IL3RA: variants seen among roughly 807,000 people sequenced by gnomAD.
IL3RA encodes the protein interleukin-3 receptor subunit alpha.
In IL3RA, 73 loss-of-function variants were observed where a neutral mutation model predicts 52.3. The observed-to-expected ratio is 1.40, with a 90% CI of 1.16 to 1.70. The LOEUF is 1.70. Among genes scored for constraint, IL3RA ranks in the 40% most tolerant of loss-of-function variants. The pLI is 0.00. For missense variants in IL3RA, 664 were observed against 504.4 expected, an observed-to-expected ratio of 1.32 and a Z score of -3.03; for synonymous variants, 260 against 194.0, an observed-to-expected ratio of 1.34 and a Z score of -2.83.
At chrX:1,378,195 A>G (rs1260941994) in intron 9 of IL3RA, among the ~76,000 whole-genome samples, 10 of 144,290 alleles carry the variant, frequency 6.9e-5, no homozygotes, top group Admixed American at 5.6e-4. Context: ...AAAAAAAAAA[A>G]AAAGAAAAAG....
At chrX:1,382,351 G>A (rs768642592) in intron 11 of IL3RA, 40 bp from the exon 12 acceptor site, 2 of 1,535,726 alleles carry the variant, frequency 1.3e-6, no homozygotes, top group Non-Finnish European at 1.8e-6. Context: ...CTGTTATCTG[G>A]GGGGTGGCCG....
intron 8 of IL3RA, among the ~76,000 whole-genome samples, chrX:1,362,388 TC>T (rs1350705252): frequency 1.4e-5 from 2 of 147,766 alleles, no homozygotes; most frequent in African/African-American, 5.3e-5. Flanking sequence ...TTTGTCTCTG[TC>T]TGTTTCTGTT....
chrX:1,342,643 C>A (rs1175667549), intron 2 of IL3RA, among the ~76,000 whole-genome samples: 1 of 150,448 alleles, frequency 6.6e-6, no homozygotes, highest in Non-Finnish European at 1.5e-5. Context: ...TCACTGCAAC[C>A]TCTACCTGCT....
chrX:1,347,208 G>A (rs1263343805), intron 3 of IL3RA, among the ~76,000 whole-genome samples: 10 of 150,800 alleles, frequency 6.6e-5, no homozygotes, highest in Admixed American at 3.3e-4. Flanking sequence ...GCACTTTGGA[G>A]GCCGAGGCGG....
Position 1,365,245 on chromosome X carries a change from G to C in IL3RA, c.867G>C (p.Gln289His), listed in dbSNP as rs2087836887. 6.2e-7 allele frequency: 1 copy of C among 1,606,750 alleles called. No individual in the cohort carries two copies. Residue 289 changes from glutamine to histidine, a missense_variant, in exon 9 of 12, where the codon CAG becomes CAC. Gln to His is a conservative substitution (Grantham distance 24). Coordinates refer to ENST00000331035, the MANE Select transcript of IL3RA (RefSeq NM_002183.4). Reference protein sequence around the residue: ...YEFLSAWSTPQRFECDQEEGA... With the variant: ...YEFLSAWSTPHRFECDQEEGA... Reference sequence around the variant, plus strand: ...TCTTGAGCGCCTGGAGCACCCCCCAGCGCTTCGGTGAGTGGGCTGTGCGGG... The same window carrying C: ...TCTTGAGCGCCTGGAGCACCCCCCACCGCTTCGGTGAGTGGGCTGTGCGGG...
At chrX:1,345,459 T>C in intron 3 of IL3RA, 25 bp downstream of exon 3, 1 of 1,361,792 alleles carries the variant, frequency 7.3e-7, no homozygotes, top group Non-Finnish European at 1.0e-6. Flanking sequence ...CTATTGTTTT[T>C]TTATTTTTAT....
chrX:1,365,592 G>C (rs866422127), intron 9 of IL3RA, among the ~76,000 whole-genome samples: 1 of 30,664 alleles, frequency 3.3e-5, no homozygotes, highest in African/African-American at 4.5e-4. Context: ...CCGGGTGCGC[G>C]GGGTGAGCGG....
intron 8 of IL3RA, among the ~76,000 whole-genome samples, chrX:1,361,203 CTG>C (rs1491298224): frequency 1.9e-3 from 28 of 14,994 alleles, no homozygotes; most frequent in Middle Eastern, 0.038. Flanking sequence ...CTCCATTCCC[CTG>C]TCTCTATGTC....
intron 4 of IL3RA, among the ~76,000 whole-genome samples, chrX:1,351,753 C>T (rs1335091605): frequency 2.0e-5 from 3 of 151,422 alleles, no homozygotes. Context: ...CTCAGCCTCC[C>T]GAGTAGCTGG....
At chrX:1,381,601 G>C (rs1399669364) in intron 11 of IL3RA, among the ~76,000 whole-genome samples, 2 of 150,752 alleles carry the variant, frequency 1.3e-5, no homozygotes, top group African/African-American at 4.9e-5. Context: ...GCAATGGTGC[G>C]ATCTTGGCTC....
chrX:1,348,283 G>GGA, intron 3 of IL3RA, 148 bp from the exon 4 acceptor site: 1 of 678,042 alleles, frequency 1.5e-6, no homozygotes, highest in South Asian at 1.7e-5. Context: ...AACCCGGGAG[G>GGA]GAGAGGCTGC....
chrX:1,380,367 A>G (rs769836064), intron 10 of IL3RA, among the ~76,000 whole-genome samples: 13 of 116,342 alleles, frequency 1.1e-4, no homozygotes, highest in Non-Finnish European at 2.1e-4. Flanking sequence ...GAGCTTCACA[A>G]TCTGTCAAAT....
intron 1 of IL3RA, among the ~76,000 whole-genome samples, chrX:1,341,058 A>G (rs1174257981): frequency 6.6e-6 from 1 of 152,120 alleles, no homozygotes; most frequent in Non-Finnish European, 1.5e-5. Context: ...CGGAGGTTGC[A>G]GTGAGCCCAG....
intron 6 of IL3RA, among the ~76,000 whole-genome samples, chrX:1,355,598 C>A: frequency 6.7e-6 from 1 of 149,784 alleles, no homozygotes; most frequent in South Asian, 2.1e-4. Context: ...GCCTGGGGTT[C>A]CCGGGAAGTG....
intron 6 of IL3RA, 25 bp from the exon 7 acceptor site, chrX:1,356,196 C>T: frequency 7.3e-7 from 1 of 1,362,790 alleles, no homozygotes; most frequent in South Asian, 1.2e-5. Context: ...CTCCTAAATC[C>T]TAAAAGTGTT....
rs1226850818 is a variant in IL3RA at position 1,340,507 on chromosome X, C to T, written c.-38-1221C>T. Among the ~76,000 whole-genome samples the T allele has an allele frequency of 4.6e-5, 7 of 152,148 alleles. No homozygotes were observed. The South Asian group carries it at 1.4e-3, about 32-fold the overall frequency. ...ACACACTGATGCAAACACATTTGTA[C>T]ACATACATTCACACATGCATGCACA... is the stretch of plus-strand genomic sequence containing the variant. On this transcript the variant is annotated intron_variant, in intron 1 of 11. Coordinates refer to ENST00000331035, the MANE Select transcript of IL3RA (RefSeq NM_002183.4).
At chrX:1,357,325 T>A (rs2086813386) in intron 7 of IL3RA, among the ~76,000 whole-genome samples, 1 of 151,498 alleles carries the variant, frequency 6.6e-6, no homozygotes, top group South Asian at 2.1e-4. Context: ...TGAGACGGAG[T>A]CCTGCTCTGT....
rs1478474479 is a variant in IL3RA, at chrX:1,352,515, C to T, written c.616+9C>T. ...CGTCTTTTCACAGATTGGTGAGTAG[C>T]CCGGGACACTCCCTCCCACCCTCAG... On this transcript the variant is annotated intron_variant, in intron 6 of 11. Transcript: ENST00000331035. 7 of 1,611,214 alleles carry T rather than the reference C, an allele frequency of 4.3e-6. No individual in the cohort carries two copies. In the African/African-American group the frequency reaches 6.7e-5, roughly 15 times the overall value.
chrX:1,365,553 A>C (rs762290783), intron 9 of IL3RA, among the ~76,000 whole-genome samples: 1 of 24,006 alleles, frequency 4.2e-5, no homozygotes, highest in Non-Finnish European at 6.6e-5. Flanking sequence ...GCGCGGGGTG[A>C]GCCGGGTGCG....
Sources: gnomAD v4.1 joint callset for allele counts (sites outside exome capture counted in the v4.1 genomes callset) on GRCh38, gnomAD v4.1.1 for gene constraint, MANE v1.5 for transcripts, NCBI Gene and HGNC (gene_info 2026-07-23, HGNC 2026-07-21) for gene names.